Variants in CNTNAP2 observed in about 807,000 individuals in gnomAD.
CNTNAP2 encodes the protein contactin-associated protein-like 2.
CNTNAP2 carries 98 observed loss-of-function variants against 155.2 expected under a neutral mutation model. The observed-to-expected ratio is 0.63, with a 90% CI of 0.54 to 0.75. CNTNAP2 has a LOEUF of 0.75. Among genes scored for constraint, CNTNAP2 ranks in the 30% least tolerant of loss-of-function variants. CNTNAP2 has a pLI of 0.00. For missense variants in CNTNAP2, 1,727 were observed against 1,688.1 expected, an observed-to-expected ratio of 1.02 and a Z score of -0.40; for synonymous variants, 651 against 631.2, an observed-to-expected ratio of 1.03 and a Z score of -0.47.
chr7:147,819,133 AC>A (rs1798322715), intron 13 of CNTNAP2, among the ~76,000 whole-genome samples: 1 of 152,220 alleles, frequency 6.6e-6, no homozygotes, highest in Non-Finnish European at 1.5e-5. Context: ...CTTAAAGATC[AC>A]CATAGAATTT....
chr7:148,045,840 G>A (rs934389103), intron 15 of CNTNAP2, among the ~76,000 whole-genome samples: 1 of 152,134 alleles, frequency 6.6e-6, no homozygotes, highest in African/African-American at 2.4e-5. Context: ...GTTATATGGT[G>A]TCAGAAGTAA....
chr7:147,870,279 G>A (rs1799304829), intron 13 of CNTNAP2, among the ~76,000 whole-genome samples: 1 of 152,128 alleles, frequency 6.6e-6, no homozygotes. Flanking sequence ...AAGGAAGATT[G>A]GGTAGGAAAT....
In CNTNAP2 at chr7:147,560,149, C is replaced by G. The variant is rs1333491962; in HGVS notation, c.1778-1989C>G. 4.8e-5 allele frequency among the ~76,000 whole-genome samples: 3 copies of G among 62,806 alleles called. No individual in the cohort carries two copies. The East Asian group carries it at 1.6e-3, about 34-fold the overall frequency. 41.2% of individuals were successfully genotyped at this position (62,806 alleles called of 152,430 possible). A position where few individuals can be genotyped will look rare whatever the true frequency, so the allele number is the denominator to read the frequency against. On this transcript the variant is annotated intron_variant, in intron 11 of 23. Transcript: ENST00000361727. ...CGCCATTGCATTCCAGCCTGGGCAA[C>G]AAGAACGAAACTCCGTCTCAAAAAA...
chr7:148,141,811 A>G (rs1453092012), intron 16 of CNTNAP2, among the ~76,000 whole-genome samples: 1 of 152,226 alleles, frequency 6.6e-6, no homozygotes, highest in Admixed American at 6.5e-5. Flanking sequence ...TTGTGAGCAG[A>G]GAAGTAAACG....
At chr7:146,905,138 C>A (rs911493857) in intron 3 of CNTNAP2, among the ~76,000 whole-genome samples, 2 of 152,010 alleles carry the variant, frequency 1.3e-5, no homozygotes, top group Non-Finnish European at 2.9e-5. Flanking sequence ...CCTACCTCCG[C>A]CCCTACTCAC....
chr7:147,035,687 T>A (rs886461164), intron 3 of CNTNAP2, among the ~76,000 whole-genome samples: 6 of 152,208 alleles, frequency 3.9e-5, no homozygotes, highest in South Asian at 2.1e-4. Context: ...TAGGCACTTT[T>A]TTTTAGTCTT....
chr7:146,621,898 A>G (rs1799324258), intron 1 of CNTNAP2, among the ~76,000 whole-genome samples: 1 of 152,052 alleles, frequency 6.6e-6, no homozygotes, highest in South Asian at 2.1e-4. Context: ...ATTCCTCCCC[A>G]TTTATTCAAT....
chr7:146,994,287 C>T (rs868582647), intron 3 of CNTNAP2, among the ~76,000 whole-genome samples: 1 of 152,014 alleles, frequency 6.6e-6, no homozygotes, highest in African/African-American at 2.4e-5. Flanking sequence ...TTGTACTGCA[C>T]TCTATTTTCC....
At chr7:146,681,590 G>A (rs1206727485) in intron 1 of CNTNAP2, among the ~76,000 whole-genome samples, 1 of 105,992 alleles carries the variant, frequency 9.4e-6, no homozygotes, top group Non-Finnish European at 1.9e-5. Context: ...GGTGGTGGGG[G>A]ATGGGAGGGG....
At chr7:147,734,874 A>G (rs142762381) in intron 13 of CNTNAP2, among the ~76,000 whole-genome samples, 51,261 of 151,726 alleles carry the variant, frequency 0.34, 9,580 homozygotes, top group African/African-American at 0.49. Context: ...CCCCTTTATC[A>G]TTTTTTATTG....
intron 18 of CNTNAP2, among the ~76,000 whole-genome samples, chr7:148,188,314 G>A (rs749314733): frequency 3.3e-5 from 5 of 152,158 alleles, no homozygotes; most frequent in African/African-American, 4.8e-5. Context: ...ACCTCAATGT[G>A]GACGGAATTG....
At chr7:146,519,337 G>A (rs578245099) in intron 1 of CNTNAP2, among the ~76,000 whole-genome samples, 1 of 151,950 alleles carries the variant, frequency 6.6e-6, no homozygotes, top group South Asian at 2.1e-4. Context: ...TTGAGAAGAG[G>A]GAACAGATGA....
chr7:147,142,089 G>A (rs974952642), intron 8 of CNTNAP2, among the ~76,000 whole-genome samples: 4 of 152,048 alleles, frequency 2.6e-5, no homozygotes, highest in Non-Finnish European at 4.4e-5. Flanking sequence ...TGATTGCCCT[G>A]GCCAGAACTT....
intron 1 of CNTNAP2, among the ~76,000 whole-genome samples, chr7:146,772,834 A>G (rs1343864465): frequency 6.6e-6 from 1 of 152,198 alleles, no homozygotes; most frequent in Non-Finnish European, 1.5e-5. Flanking sequence ...GGCCAAGTTG[A>G]GAGCAGGAGC....
intron 1 of CNTNAP2, among the ~76,000 whole-genome samples, chr7:146,509,744 C>G (rs1199148815): frequency 1.3e-5 from 2 of 152,106 alleles, no homozygotes; most frequent in Non-Finnish European, 2.9e-5. Context: ...CCTGGAGGTC[C>G]CTTACCTGTG....
intron 1 of CNTNAP2, among the ~76,000 whole-genome samples, chr7:146,715,176 C>T (rs1373809698): frequency 6.6e-6 from 1 of 152,060 alleles, no homozygotes; most frequent in Non-Finnish European, 1.5e-5. Context: ...ACTAAAAATA[C>T]AAAAATTACC....
chr7:146,881,687 A>G (rs1389639110), intron 3 of CNTNAP2, among the ~76,000 whole-genome samples: 1 of 151,772 alleles, frequency 6.6e-6, no homozygotes, highest in Non-Finnish European at 1.5e-5. Context: ...ATAGCAAAAA[A>G]TATATACAAG....
At chr7:147,753,542 G>A (rs1382866182) in intron 13 of CNTNAP2, among the ~76,000 whole-genome samples, 1 of 152,188 alleles carries the variant, frequency 6.6e-6, no homozygotes, top group African/African-American at 2.4e-5. Flanking sequence ...AACTAGAAAT[G>A]TTGATGAGTT....
At chr7:146,438,541 C>T (rs1228786625) in intron 1 of CNTNAP2, among the ~76,000 whole-genome samples, 1 of 151,238 alleles carries the variant, frequency 6.6e-6, no homozygotes, top group Non-Finnish European at 1.5e-5. Flanking sequence ...ATTTATATTT[C>T]TTTTATTAGT....
Sources: gnomAD v4.1 joint callset for allele counts (sites outside exome capture counted in the v4.1 genomes callset) on GRCh38, gnomAD v4.1.1 for gene constraint, MANE v1.5 for transcripts, NCBI Gene and HGNC (gene_info 2026-07-23, HGNC 2026-07-21) for gene names.